Variants in SLC24A2 observed in about 807,000 individuals in gnomAD.
SLC24A2 encodes the protein sodium/potassium/calcium exchanger 2.
In SLC24A2, 36 loss-of-function variants were observed where a neutral mutation model predicts 62.0. That is an observed-to-expected ratio of 0.58 (90% CI 0.44 to 0.77). The LOEUF (loss-of-function observed/expected upper bound fraction) is 0.77, where lower values mean the gene tolerates loss of function less well. Among genes scored for constraint, SLC24A2 ranks in the 30% least tolerant of loss-of-function variants. SLC24A2 has a pLI of 0.00. For missense variants in SLC24A2, 846 were observed against 817.9 expected, an observed-to-expected ratio of 1.03 and a Z score of -0.42; for synonymous variants, 358 against 294.0, an observed-to-expected ratio of 1.22 and a Z score of -2.23.
the SLC24A2 span, among the ~76,000 whole-genome samples, chr9:19,865,894 A>G: frequency 6.6e-6 from 1 of 152,150 alleles, no homozygotes; most frequent in African/African-American, 2.4e-5. Flanking sequence ...AGGAAACAAT[A>G]AACAAATTGA....
intron 2 of SLC24A2, among the ~76,000 whole-genome samples, chr9:19,728,901 T>A (rs1421198706): frequency 6.6e-6 from 1 of 152,126 alleles, no homozygotes; most frequent in Non-Finnish European, 1.5e-5. Flanking sequence ...AGGAGAAAAT[T>A]TACTGTATGC....
At chr9:19,795,100 T>A in the SLC24A2 span, among the ~76,000 whole-genome samples, 2 of 152,182 alleles carry the variant, frequency 1.3e-5, no homozygotes, top group Non-Finnish European at 2.9e-5. Context: ...TTCATAAAAT[T>A]GAAAGGAATG....
At chr9:19,567,193 C>G (rs908742481) in intron 7 of SLC24A2, among the ~76,000 whole-genome samples, 1 of 149,186 alleles carries the variant, frequency 6.7e-6, no homozygotes, top group African/African-American at 2.5e-5. Flanking sequence ...AAAAGAAAAT[C>G]TGCTTTTTGG....
intron 5 of SLC24A2, among the ~76,000 whole-genome samples, chr9:19,584,504 C>G (rs1233401905): frequency 3.3e-5 from 5 of 152,076 alleles, no homozygotes; most frequent in Non-Finnish European, 7.4e-5. Flanking sequence ...GAAAGTTCCT[C>G]CACAAGAGAT....
the SLC24A2 span, among the ~76,000 whole-genome samples, chr9:20,058,395 T>C: frequency 6.6e-6 from 1 of 151,962 alleles, no homozygotes; most frequent in Non-Finnish European, 1.5e-5. Context: ...CACAGAGGAA[T>C]AAACCCATAA....
At chr9:20,232,629 CTTCT>C in the SLC24A2 span, among the ~76,000 whole-genome samples, 4 of 151,904 alleles carry the variant, frequency 2.6e-5, no homozygotes, top group East Asian at 3.8e-4. Context: ...TCTCTCTTTT[CTTCT>C]TTATTAGTCT....
At chr9:20,008,274 G>A in the SLC24A2 span, among the ~76,000 whole-genome samples, 1 of 151,932 alleles carries the variant, frequency 6.6e-6, no homozygotes, top group Non-Finnish European at 1.5e-5. Flanking sequence ...TGTATCCTTT[G>A]GGAAGAGGAG....
chr9:20,182,525 T>TATCA, the SLC24A2 span, among the ~76,000 whole-genome samples: 1 of 152,188 alleles, frequency 6.6e-6, no homozygotes, highest in Non-Finnish European at 1.5e-5. Context: ...CTCAGCAAAC[T>TATCA]ATCACAAGGA....
intron 2 of SLC24A2, among the ~76,000 whole-genome samples, chr9:19,783,749 C>T (rs998134902): frequency 1.3e-5 from 2 of 152,154 alleles, no homozygotes; most frequent in African/African-American, 2.4e-5. Context: ...TCCTTATGCA[C>T]GTTCCACTTA....
At chr9:19,543,098 A>T (rs1469321657) in intron 8 of SLC24A2, among the ~76,000 whole-genome samples, 1 of 152,150 alleles carries the variant, frequency 6.6e-6, no homozygotes, top group Non-Finnish European at 1.5e-5. Context: ...TACTGCCTCA[A>T]TTTCAGAAGT....
chr9:19,592,372 T>A (rs1836578242), intron 5 of SLC24A2, among the ~76,000 whole-genome samples: 2 of 152,198 alleles, frequency 1.3e-5, no homozygotes, highest in African/African-American at 2.4e-5. Context: ...ATTATTTTTC[T>A]GGAAATGTCT....
chr9:19,865,323 G>C, the SLC24A2 span, among the ~76,000 whole-genome samples: 1 of 151,938 alleles, frequency 6.6e-6, no homozygotes, highest in Non-Finnish European at 1.5e-5. Context: ...CACAGAAATA[G>C]AAAAAGCAAC....
At chr9:19,984,117 C>A in the SLC24A2 span, among the ~76,000 whole-genome samples, 83 of 152,220 alleles carry the variant, frequency 5.5e-4, no homozygotes, top group African/African-American at 2.0e-3. Flanking sequence ...CAGAATGTAA[C>A]CCTGTTGTAA....
intron 3 of SLC24A2, among the ~76,000 whole-genome samples, chr9:19,620,907 C>T (rs1817893237): frequency 6.6e-6 from 1 of 152,150 alleles, no homozygotes; most frequent in Non-Finnish European, 1.5e-5. Context: ...CCAAAATATT[C>T]CATCATACTC....
chr9:20,133,554 T>C, the SLC24A2 span, among the ~76,000 whole-genome samples: 1 of 152,172 alleles, frequency 6.6e-6, no homozygotes, highest in East Asian at 1.9e-4. Flanking sequence ...TTTCTCTAAA[T>C]TGTCAATTTT....
chr9:19,691,265 G>T (rs754693337), intron 2 of SLC24A2, among the ~76,000 whole-genome samples: 1 of 152,174 alleles, frequency 6.6e-6, no homozygotes, highest in Non-Finnish European at 1.5e-5. Context: ...GGCCTCCAAG[G>T]ATTGAACAAT....
the SLC24A2 span, among the ~76,000 whole-genome samples, chr9:20,158,249 TTAAAA>T: frequency 6.6e-6 from 1 of 151,694 alleles, no homozygotes; most frequent in Non-Finnish European, 1.5e-5. Context: ...GAAGAATAGA[TTAAAA>T]TAAAAATTTA....
the SLC24A2 span, among the ~76,000 whole-genome samples, chr9:20,215,002 A>G: frequency 6.6e-6 from 1 of 152,232 alleles, no homozygotes; most frequent in Non-Finnish European, 1.5e-5. Flanking sequence ...CTGTACATTC[A>G]TTCAGGCTGC....
intron 2 of SLC24A2, among the ~76,000 whole-genome samples, chr9:19,651,837 A>G (rs1818810176): frequency 6.6e-6 from 1 of 152,178 alleles, no homozygotes; most frequent in Non-Finnish European, 1.5e-5. Context: ...TGATTCTTAC[A>G]GGTTTCTCTA....
Sources: allele counts gnomAD v4.1 joint callset (sites outside exome capture counted in the v4.1 genomes callset), GRCh38; gene constraint gnomAD v4.1.1; transcripts MANE v1.5; gene names NCBI Gene and HGNC (gene_info 2026-07-23, HGNC 2026-07-21).